Variants in CELF2 observed in about 807,000 individuals in gnomAD.
The protein encoded by CELF2 is CUGBP Elav-like family member 2.
CELF2 carries 8 observed loss-of-function variants against 62.6 expected under a neutral mutation model. The observed-to-expected ratio is 0.13, with a 90% CI of 0.07 to 0.23. The LOEUF is 0.23. Among genes scored for constraint, CELF2 ranks in the 10% least tolerant of loss-of-function variants. The probability of loss-of-function intolerance (pLI) is 1.00; values close to 1 mark genes in which losing one functional copy is unlikely to be tolerated. For synonymous variants in CELF2, 258 were observed against 250.0 expected (o/e 1.03, Z -0.30); for missense variants, 333 against 671.0 (o/e 0.50, Z 5.56).
At chr10:10,913,520 G>A (rs188454071) in intron 1 of CELF2, among the ~76,000 whole-genome samples, 12 of 137,270 alleles carry the variant, frequency 8.7e-5, no homozygotes, top group African/African-American at 3.5e-4. Flanking sequence ...CCTCCCAAGT[G>A]GCTGGGATTA....
intron 1 of CELF2, among the ~76,000 whole-genome samples, chr10:10,860,178 G>C (rs553976466): frequency 9.2e-5 from 14 of 152,258 alleles, no homozygotes; most frequent in African/African-American, 3.4e-4. Flanking sequence ...GGGAGAGCTG[G>C]ATTTTCATGT....
At chr10:11,215,671 C>T (rs1454451102) in intron 2 of CELF2, among the ~76,000 whole-genome samples, 5 of 151,822 alleles carry the variant, frequency 3.3e-5, no homozygotes, top group Admixed American at 2.0e-4. Context: ...CAGAAGCTAA[C>T]GCCATAAGCC....
At chr10:10,731,937 C>T in the CELF2 span, among the ~76,000 whole-genome samples, 2 of 152,134 alleles carry the variant, frequency 1.3e-5, no homozygotes, top group Non-Finnish European at 2.9e-5. Context: ...ACACCAGACT[C>T]CTCATCTTTG....
At chr10:10,764,452 G>A in the CELF2 span, among the ~76,000 whole-genome samples, 1 of 152,094 alleles carries the variant, frequency 6.6e-6, no homozygotes, top group African/African-American at 2.4e-5. Flanking sequence ...AGTTCTACAC[G>A]ACTGCTCATG....
the CELF2 span, among the ~76,000 whole-genome samples, chr10:10,621,410 A>T: frequency 3.3e-5 from 5 of 152,186 alleles, no homozygotes; most frequent in Non-Finnish European, 5.9e-5. Flanking sequence ...GCACATTTGA[A>T]GAACAGTTGA....
rs2063704047 is a variant in CELF2 at position 11,217,731 on chromosome 10, GGTTAGAAAATCA to G, written c.354+226_354+237del. 6.6e-6 allele frequency among the ~76,000 whole-genome samples: 1 copy of G among 152,106 alleles called. No individual in the cohort carries two copies. Among genetic ancestry groups the G allele is most frequent in the Admixed American group, 6.5e-5 (1 of 15,272 alleles). On this transcript the variant is annotated intron_variant, in intron 3 of 12. Coordinates refer to ENST00000633077, the MANE Select transcript of CELF2 (RefSeq NM_001326342.2). This position sits in a 1 kb window ranked among gnomAD's most constrained non-coding sequence, Gnocchi z 5.6. ...AGCATTCTCAAATAGTGCATCCCCT[GGTTAGAAAATCA>G]GAGTGACCCCACTGGGCAGCCACGG...
In CELF2 at chr10:10,990,968, C is replaced by T. The variant is rs547581494; in HGVS notation, c.89+70969C>T. On this transcript the variant is annotated intron_variant, in intron 2 of 13. Coordinates refer to the CELF2 transcript ENST00000636488. This position sits in a 1 kb window ranked among gnomAD's most constrained non-coding sequence, Gnocchi z 4.6. The stretch of plus-strand genomic sequence containing the variant: ...ACAGCATCTTTTTGAGGTTCTTTTG[C>T]GTGTGTGTGTGTGTGTGTGTGCCCA... Among the ~76,000 whole-genome samples the T allele has an allele frequency of 4.9e-4, 73 of 148,568 alleles. 1 individual carries two copies. Among genetic ancestry groups the T allele is most frequent in the Middle Eastern group, 6.9e-3 (2 of 290 alleles).
At chr10:10,528,160 TGTG>T in the CELF2 span, among the ~76,000 whole-genome samples, 9 of 149,904 alleles carry the variant, frequency 6.0e-5, no homozygotes, top group East Asian at 7.8e-4. Context: ...ATTCCTGTTT[TGTG>T]TGTGTGTGTG....
chr10:10,946,084 G>A (rs1188213872), intron 2 of CELF2: 1 of 152,648 alleles, frequency 6.6e-6, no homozygotes. Context: ...GAGAGGGTGG[G>A]GATGGCATTC....
At chr10:10,464,806 T>C in the CELF2 span, among the ~76,000 whole-genome samples, 3 of 152,180 alleles carry the variant, frequency 2.0e-5, no homozygotes, top group Non-Finnish European at 2.9e-5. Flanking sequence ...TAACAAAACA[T>C]TGAATAACAC....
intron 1 of CELF2, among the ~76,000 whole-genome samples, chr10:10,912,543 T>C (rs1432939763): frequency 6.6e-6 from 1 of 152,194 alleles, no homozygotes; most frequent in Non-Finnish European, 1.5e-5. Context: ...CTAATTTTTC[T>C]ATTTTTAGTA....
At chr10:10,865,401 A>T (rs1376933955) in intron 1 of CELF2, among the ~76,000 whole-genome samples, 1 of 152,210 alleles carries the variant, frequency 6.6e-6, no homozygotes, top group African/African-American at 2.4e-5. Flanking sequence ...TCCCCAAAAT[A>T]AAATATATGA....
the CELF2 span, among the ~76,000 whole-genome samples, chr10:10,727,133 A>G: frequency 6.6e-6 from 1 of 152,226 alleles, no homozygotes; most frequent in Admixed American, 6.5e-5. Flanking sequence ...CCCGCTTCCA[A>G]TACTGGAGAT....
chr10:11,190,774 TTAAA>T (rs2076117840), intron 2 of CELF2, among the ~76,000 whole-genome samples: 1 of 97,096 alleles, frequency 1.0e-5, no homozygotes, highest in Non-Finnish European at 2.2e-5. Flanking sequence ...TCTCTTTTCT[TTAAA>T]AAAAAAAAAA....
At chr10:11,125,868 G>A (rs1049562919) in intron 1 of CELF2, among the ~76,000 whole-genome samples, 2 of 149,032 alleles carry the variant, frequency 1.3e-5, no homozygotes, top group Admixed American at 6.9e-5. Context: ...AATACTCTGC[G>A]CTTACTCTAA....
chr10:10,701,778 CA>C, the CELF2 span, among the ~76,000 whole-genome samples: 3 of 152,190 alleles, frequency 2.0e-5, no homozygotes, highest in Non-Finnish European at 4.4e-5. Context: ...TCCCATTTTC[CA>C]TTTCTGCCAT....
At chr10:10,787,305 A>G in the CELF2 span, among the ~76,000 whole-genome samples, 879 of 152,342 alleles carry the variant, frequency 5.8e-3, 7 homozygotes, top group African/African-American at 0.014. Context: ...AATGGTTTCT[A>G]GTCCAGTAAT....
the CELF2 span, among the ~76,000 whole-genome samples, chr10:10,693,592 G>T: frequency 6.6e-6 from 1 of 151,198 alleles, no homozygotes; most frequent in East Asian, 1.9e-4. Flanking sequence ...AATGGTACCA[G>T]TTCCTCCTTG....
In CELF2 at chr10:10,835,383, A is replaced by AT. The variant is rs60700697; in HGVS notation, c.53+36581dup. On this transcript the variant is annotated intron_variant, in intron 1 of 13. Coordinates refer to the CELF2 transcript ENST00000636488. ...TGGGATTACAGGCTCCAGCAGATTG[A>AT]TTTTTTTTTTTTTTTCTGATATGAA... 7.0e-4 allele frequency among the ~76,000 whole-genome samples: 100 copies of AT among 143,028 alleles called. 1 individual carries two copies. The highest frequency in any genetic ancestry group is 4.7e-3 in the South Asian group (21 of 4,436). 93.8% of individuals were successfully genotyped at this position (143,028 alleles called of 152,430 possible).
Sources: allele counts gnomAD v4.1 joint callset (sites outside exome capture counted in the v4.1 genomes callset), GRCh38; gene constraint gnomAD v4.1.1; non-coding constraint Gnocchi (gnomAD v3.1); transcripts MANE v1.5; gene names NCBI Gene and HGNC (gene_info 2026-07-23, HGNC 2026-07-21).